TPCN2: variants seen among roughly 807,000 people sequenced by gnomAD.
TPCN2 encodes two pore segment channel 2, also known as two pore channel protein 2.
Under a neutral mutation model 111.4 loss-of-function variants are expected in TPCN2, and 92 were observed. That is an observed-to-expected ratio of 0.83 (90% CI 0.70 to 0.98). The LOEUF (loss-of-function observed/expected upper bound fraction) is 0.98, where lower values mean the gene tolerates loss of function less well. Among genes scored for constraint, TPCN2 ranks in the 50% least tolerant of loss-of-function variants. The probability of loss-of-function intolerance (pLI) is 0.00; values close to 1 mark genes in which losing one functional copy is unlikely to be tolerated. For missense variants in TPCN2, 995 were observed against 980.1 expected (o/e 1.02, Z -0.20); for synonymous variants, 405 against 414.5 (o/e 0.98, Z 0.28).
chr11:69,084,413 G>A (rs530887492), intron 19 of TPCN2, among the ~76,000 whole-genome samples: 133 of 152,350 alleles, frequency 8.7e-4, no homozygotes, highest in African/African-American at 3.1e-3. Context: ...GGACTTGGTC[G>A]AGGCTCCTTT....
chr11:69,071,333 A>C, intron 9 of TPCN2, 23 bp from the exon 10 acceptor site: 2 of 1,610,800 alleles, frequency 1.2e-6, no homozygotes, highest in South Asian at 1.1e-5. Flanking sequence ...GGCGCCCCTG[A>C]CCGTGGCTGT....
chr11:69,049,427 G>A (rs1468987969), intron 1 of TPCN2, among the ~76,000 whole-genome samples: 3 of 152,226 alleles, frequency 2.0e-5, no homozygotes, highest in African/African-American at 7.2e-5. Flanking sequence ...GGCACCCTCC[G>A]TGTGCCCGGG....
intron 4 of TPCN2, among the ~76,000 whole-genome samples, chr11:69,056,451 A>G (rs757501471): frequency 1.3e-5 from 2 of 152,164 alleles, no homozygotes; most frequent in African/African-American, 2.4e-5. Flanking sequence ...CGTTTTTTGA[A>G]TGGTTGGTGT....
intron 4 of TPCN2, among the ~76,000 whole-genome samples, chr11:69,056,545 T>G (rs1565080168): frequency 6.6e-6 from 1 of 152,166 alleles, no homozygotes; most frequent in Non-Finnish European, 1.5e-5. Flanking sequence ...TTTTATTTAT[T>G]TATTTTGAGA....
chr11:69,087,257 A>AAGAGCTGGGGGGTGG, intron 24 of TPCN2, 51 bp downstream of exon 24: 1 of 1,557,942 alleles, frequency 6.4e-7, no homozygotes, highest in Non-Finnish European at 8.8e-7. Context: ...ATGGGAAGCC[A>AAGAGCTGGGGGGTGG]AGAGCTGGGG....
At chr11:69,082,850 T>C (rs150891644) in intron 18 of TPCN2, among the ~76,000 whole-genome samples, 2,203 of 126,142 alleles carry the variant, frequency 0.017, 446 homozygotes, top group Non-Finnish European at 0.031. Flanking sequence ...CAGATATCCA[T>C]GTGAACTCGT....
At chr11:69,071,671 A>C (rs1308560031) in intron 10 of TPCN2, among the ~76,000 whole-genome samples, 4 of 152,130 alleles carry the variant, frequency 2.6e-5, no homozygotes, top group Non-Finnish European at 5.9e-5. Flanking sequence ...CCCCCAACAC[A>C]CAGAGGAGAA....
intron 9 of TPCN2, 75 bp from the exon 10 acceptor site, chr11:69,071,281 C>G (rs1855524583): frequency 2.5e-6 from 3 of 1,217,978 alleles, no homozygotes; most frequent in Admixed American, 1.8e-5. Flanking sequence ...CTGTGCTATC[C>G]TGTGCCGGCC....
Position 69,058,775 on chromosome 11 carries a change from G to GC in TPCN2, c.546+1083dup, listed in dbSNP as rs2134535076. 2.0e-5 allele frequency among the ~76,000 whole-genome samples: 3 copies of GC among 152,356 alleles called. No homozygotes were observed. In the South Asian group the frequency reaches 6.2e-4, roughly 32 times the overall value. ...CTCCCTGACTCGGCAGCTTCCCGCA[G>GC]CCTCCTCCCTGCAAAGGGAGAGCCT... On this transcript the variant is annotated intron_variant, in intron 5 of 24. Coordinates refer to ENST00000294309, the MANE Select transcript of TPCN2 (RefSeq NM_139075.4).
intron 10 of TPCN2, 120 bp downstream of exon 10, chr11:69,071,540 A>G: frequency 2.3e-6 from 2 of 868,614 alleles, no homozygotes; most frequent in Non-Finnish European, 3.7e-6. Flanking sequence ...ACGGGAGGGC[A>G]GGGTTGCCAC....
intron 9 of TPCN2, 36 bp from the exon 10 acceptor site, chr11:69,071,320 G>C (rs377629042): frequency 1.1e-4 from 177 of 1,591,928 alleles, no homozygotes; most frequent in Middle Eastern, 3.3e-4. Context: ...CTGCTGTACT[G>C]GTGGCGCCCC....
At chr11:69,060,758 G>C (rs1391204045) in intron 5 of TPCN2, among the ~76,000 whole-genome samples, 6 of 152,158 alleles carry the variant, frequency 3.9e-5, no homozygotes, top group African/African-American at 1.4e-4. Context: ...CAGGGGAGGG[G>C]ACCCAGCAGC....
chr11:69,051,556 G>A (rs1861227299), intron 1 of TPCN2, among the ~76,000 whole-genome samples: 1 of 152,358 alleles, frequency 6.6e-6, no homozygotes, highest in South Asian at 2.1e-4. Context: ...GGGAGCGGGA[G>A]CTCAGACCTG....
chr11:69,088,215 T>C lies in TPCN2; in HGVS notation c.*262T>C. On this transcript the variant is annotated 3_prime_UTR_variant, in exon 25 of 25. Coordinates refer to ENST00000294309, the MANE Select transcript of TPCN2 (RefSeq NM_139075.4). ...CTTCAGTGAGAATTCCCTCGTCGAC[T>C]CCACAGGGACCTTTCAGACAAAAAT... 2.1e-6 allele frequency: 1 copy of C among 471,508 alleles called. No homozygotes were observed. The highest frequency in any genetic ancestry group is 1.9e-5 in the African/African-American group (1 of 51,302). The allele number at this position is 471,508 out of a possible 1,614,324, so 29.2% of individuals were successfully genotyped here. A position where few individuals can be genotyped will look rare whatever the true frequency, so the allele number is the denominator to read the frequency against.
At chr11:69,081,607 C>A in intron 18 of TPCN2, 108 bp downstream of exon 18, 1 of 707,026 alleles carries the variant, frequency 1.4e-6, no homozygotes, top group Non-Finnish European at 2.3e-6. Context: ...CTGTGCCCGT[C>A]ACCCTGGGCT....
At chr11:69,080,918 C>T (rs72928636) in intron 17 of TPCN2, among the ~76,000 whole-genome samples, 20,344 of 151,986 alleles carry the variant, frequency 0.13, 1,923 homozygotes, top group South Asian at 0.21. Context: ...GGATGCCAAG[C>T]GGGGCTTGGG....
At chr11:69,072,155 G>A in intron 11 of TPCN2, 132 bp downstream of exon 11, 2 of 716,302 alleles carry the variant, frequency 2.8e-6, no homozygotes, top group Non-Finnish European at 4.6e-6. Flanking sequence ...CCCGACTCAT[G>A]GAAACCACCA....
intron 7 of TPCN2, among the ~76,000 whole-genome samples, chr11:69,065,799 G>T (rs1855248662): frequency 6.6e-6 from 1 of 152,198 alleles, no homozygotes; most frequent in African/African-American, 2.4e-5. Context: ...AGCCGTGATG[G>T]TGCTGTCCCA....
chr11:69,064,037 T>A, intron 7 of TPCN2, 70 bp downstream of exon 7: 2 of 1,453,136 alleles, frequency 1.4e-6, no homozygotes, highest in Non-Finnish European at 1.9e-6. Context: ...GGGGCTGGGC[T>A]GGTGTCTGCT....
Sources: gnomAD v4.1 joint callset for allele counts (sites outside exome capture counted in the v4.1 genomes callset) on GRCh38, gnomAD v4.1.1 for gene constraint, MANE v1.5 for transcripts, NCBI Gene and HGNC (gene_info 2026-07-23, HGNC 2026-07-21) for gene names.